Variants in ZNF385D observed in about 807,000 individuals in gnomAD.
ZNF385D encodes the protein zinc finger protein 659.
In ZNF385D, 15 loss-of-function variants were observed where a neutral mutation model predicts 35.8. The ratio of observed to expected loss-of-function variants is 0.42; its 90% CI spans 0.28 to 0.64. ZNF385D has a LOEUF of 0.64. Ranked by LOEUF, ZNF385D falls within the 30% of genes least tolerant of loss-of-function variation. ZNF385D has a pLI of 0.23. For missense variants in ZNF385D, 474 were observed against 494.6 expected, an observed-to-expected ratio of 0.96 and a Z score of 0.39; for synonymous variants, 212 against 186.8, an observed-to-expected ratio of 1.13 and a Z score of -1.10.
chr3:21,444,365 C>A (rs1041315755), intron 4 of ZNF385D, among the ~76,000 whole-genome samples: 2 of 146,482 alleles, frequency 1.4e-5, no homozygotes, highest in Middle Eastern at 3.5e-3. Context: ...CGGGCGTGAG[C>A]CACAGCACCC....
chr3:21,919,152 G>T lies in ZNF385D; in HGVS notation c.325+249665C>A, dbSNP rs139531662. Among the ~76,000 whole-genome samples the T allele has an allele frequency of 7.9e-5, 12 of 152,270 alleles. No homozygotes were observed. The East Asian group carries it at 2.3e-3, about 29-fold the overall frequency. On this transcript the variant is annotated intron_variant, in intron 3 of 5. Transcript: ENST00000494108. ...ATTGCCAAAGGATTTACAGAATGTT[G>T]AAGGACAATGTTAATATTCAGTCTT...
At position 22,047,601 on chromosome 3, in the gene ZNF385D, G is replaced by C. The variant is rs115496372; in HGVS notation, c.325+121216C>G. Among the ~76,000 whole-genome samples, 1,391 of 152,162 alleles carry C rather than the reference G, an allele frequency of 9.1e-3. 14 individuals carry two copies. Among genetic ancestry groups the C allele is most frequent in the Middle Eastern group, 0.068 (20 of 294 alleles). On this transcript the variant is annotated intron_variant, in intron 3 of 5. Coordinates refer to the ZNF385D transcript ENST00000494108. ...TTTCCTTCCTGTTTAATGCTGAATA[G>C]TTCATTGTGTGCATAAATATACACA...
intron 1 of ZNF385D, among the ~76,000 whole-genome samples, chr3:21,698,132 A>G (rs1351516385): frequency 6.6e-6 from 1 of 152,344 alleles, no homozygotes; most frequent in Non-Finnish European, 1.5e-5. Context: ...ATTATGTAAA[A>G]AAGACACCTG....
chr3:22,047,680 C>G (rs1699088276), intron 3 of ZNF385D, among the ~76,000 whole-genome samples: 1 of 152,090 alleles, frequency 6.6e-6, no homozygotes, highest in Admixed American at 6.6e-5. Flanking sequence ...CGTATCTTAG[C>G]TATTGTGAAT....
chr3:21,683,479 A>T (rs2066981252), intron 1 of ZNF385D, among the ~76,000 whole-genome samples: 1 of 149,568 alleles, frequency 6.7e-6, no homozygotes, highest in Non-Finnish European at 1.5e-5. Context: ...TTAGCTGGTC[A>T]CGGTGTTGTG....
chr3:21,693,075 A>C (rs9862240), intron 1 of ZNF385D, among the ~76,000 whole-genome samples: 23,562 of 152,106 alleles, frequency 0.15, 1,992 homozygotes, highest in East Asian at 0.23. Context: ...CTTTGTACCC[A>C]GAGAACTCCT....
At chr3:22,276,656 A>C (rs539809234) in intron 2 of ZNF385D, among the ~76,000 whole-genome samples, 29 of 152,296 alleles carry the variant, frequency 1.9e-4, no homozygotes, top group African/African-American at 6.0e-4. Context: ...TGATTTTACC[A>C]ATCATCATCA....
rs142382365 is a variant in ZNF385D, at chr3:22,349,613, G to T, written c.106+22837C>A. On this transcript the variant is annotated intron_variant, in intron 2 of 5. Coordinates refer to the ZNF385D transcript ENST00000494108. Reference sequence around the variant, plus strand: ...TGACATTTCTGGGACCAAACCCAAGGTTTTACTATTTCTGGAAATCCTTCA... The same window carrying T: ...TGACATTTCTGGGACCAAACCCAAGTTTTTACTATTTCTGGAAATCCTTCA... Among the ~76,000 whole-genome samples, 189 of 152,210 alleles carry T rather than the reference G, an allele frequency of 1.2e-3. 2 individuals carry two copies. Among genetic ancestry groups the T allele is most frequent in the African/African-American group, 4.4e-3 (182 of 41,544 alleles).
intron 3 of ZNF385D, among the ~76,000 whole-genome samples, chr3:21,972,146 A>G (rs748072082): frequency 6.6e-6 from 1 of 152,062 alleles, no homozygotes. Context: ...TGGCTGCAGA[A>G]TATACATTCT....
intron 3 of ZNF385D, among the ~76,000 whole-genome samples, chr3:22,060,998 TATA>T (rs1040205735): frequency 6.6e-6 from 1 of 152,138 alleles, no homozygotes; most frequent in Non-Finnish European, 1.5e-5. Flanking sequence ...TAAATAAATG[TATA>T]ATAACTTGAT....
At chr3:22,189,060 T>A (rs1361487501) in intron 2 of ZNF385D, among the ~76,000 whole-genome samples, 1 of 152,074 alleles carries the variant, frequency 6.6e-6, no homozygotes, top group Non-Finnish European at 1.5e-5. Flanking sequence ...CTTCATTAGG[T>A]GTACAATCCA....
At chr3:22,274,977 T>A (rs543584609) in intron 2 of ZNF385D, among the ~76,000 whole-genome samples, 1 of 152,178 alleles carries the variant, frequency 6.6e-6, no homozygotes, top group African/African-American at 2.4e-5. Context: ...AGAAGAGTTG[T>A]ATATACCACA....
intron 3 of ZNF385D, among the ~76,000 whole-genome samples, chr3:21,532,781 C>A (rs1007227424): frequency 2.6e-5 from 4 of 151,576 alleles, no homozygotes; most frequent in African/African-American, 9.7e-5. Context: ...AGAGTTCATT[C>A]AGCACTTACT....
intron 3 of ZNF385D, among the ~76,000 whole-genome samples, chr3:21,523,086 C>T (rs1465929303): frequency 6.6e-6 from 1 of 152,194 alleles, no homozygotes; most frequent in African/African-American, 2.4e-5. Context: ...TTATGGAACA[C>T]TCCAATGTGT....
intron 1 of ZNF385D, among the ~76,000 whole-genome samples, chr3:21,691,566 T>A (rs1347528292): frequency 6.6e-6 from 1 of 152,186 alleles, no homozygotes; most frequent in East Asian, 1.9e-4. Flanking sequence ...TTTCCTTTCT[T>A]TGGCAAGCCA....
chr3:22,284,016 G>T (rs1701899934), intron 2 of ZNF385D, among the ~76,000 whole-genome samples: 2 of 152,046 alleles, frequency 1.3e-5, no homozygotes, highest in Admixed American at 6.6e-5. Context: ...CTCCCATTAT[G>T]CAGTGTGGAT....
At chr3:21,618,812 G>T (rs999222276) in intron 2 of ZNF385D, among the ~76,000 whole-genome samples, 43 of 152,132 alleles carry the variant, frequency 2.8e-4, no homozygotes, top group African/African-American at 1.0e-3. Flanking sequence ...AAACTTAACT[G>T]CAAACTTGCT....
At chr3:21,859,736 A>T (rs1251557134) in intron 3 of ZNF385D, among the ~76,000 whole-genome samples, 1 of 152,004 alleles carries the variant, frequency 6.6e-6, no homozygotes, top group Non-Finnish European at 1.5e-5. Flanking sequence ...AAGATAAGAA[A>T]AATGTTTTAA....
intron 4 of ZNF385D, among the ~76,000 whole-genome samples, chr3:21,510,077 G>C (rs1292042927): frequency 6.6e-6 from 1 of 152,168 alleles, no homozygotes; most frequent in Non-Finnish European, 1.5e-5. Context: ...CAATTGAGGT[G>C]TAACAGTCTC....
Sources: allele counts gnomAD v4.1 joint callset (sites outside exome capture counted in the v4.1 genomes callset), GRCh38; gene constraint gnomAD v4.1.1; transcripts MANE v1.5; gene names NCBI Gene and HGNC (gene_info 2026-07-23, HGNC 2026-07-21).